The following CLIC5 variants were observed in gnomAD, a reference collection of about 807,000 sequenced individuals.
CLIC5 encodes CLIC family member 5, also known as chloride intracellular channel protein 5.
In CLIC5, 20 loss-of-function variants were observed where a neutral mutation model predicts 24.7. The observed-to-expected ratio is 0.81, with a 90% CI of 0.57 to 1.18. The LOEUF is 1.18. CLIC5 is among the 50% of genes most tolerant of loss of function. The probability of loss-of-function intolerance (pLI) is 0.00; values close to 1 mark genes in which losing one functional copy is unlikely to be tolerated. For synonymous variants in CLIC5, 159 were observed against 135.6 expected, an observed-to-expected ratio of 1.17 and a Z score of -1.20; for missense variants, 341 against 326.1, an observed-to-expected ratio of 1.05 and a Z score of -0.35.
At chr6:45,894,397 A>T (rs1160480658), downstream of CLIC5, among the ~76,000 whole-genome samples, 2 of 152,230 alleles carry the variant, frequency 1.3e-5, no homozygotes, top group Non-Finnish European at 2.9e-5. Flanking sequence ...TTGGTACTTC[A>T]TTATAGCATC....
the CLIC5 span, among the ~76,000 whole-genome samples, chr6:46,086,571 G>A: frequency 6.6e-5 from 10 of 152,286 alleles, no homozygotes; most frequent in African/African-American, 2.2e-4. Context: ...GACTGTGGAT[G>A]GCCTTGAATG....
intron 1 of CLIC5, among the ~76,000 whole-genome samples, chr6:45,957,067 G>A (rs1471544918): frequency 1.3e-5 from 2 of 152,052 alleles, no homozygotes; most frequent in Non-Finnish European, 2.9e-5. Context: ...TTTCCCCAGG[G>A]CCAGTTATGG....
chr6:45,882,594 C>T (rs1581701565), intron 6 of CLIC5, among the ~76,000 whole-genome samples: 1 of 152,202 alleles, frequency 6.6e-6, no homozygotes, highest in African/African-American at 2.4e-5. Context: ...GCTTTGAGTA[C>T]ATTTCTTTAC....
At chr6:46,117,993 G>A in the CLIC5 span, among the ~76,000 whole-genome samples, 1 of 152,118 alleles carries the variant, frequency 6.6e-6, no homozygotes, top group Non-Finnish European at 1.5e-5. Flanking sequence ...CATCACAAGT[G>A]GTCTATGCCC....
chr6:45,900,490 C>T lies in CLIC5; in HGVS notation c.*2598G>A, dbSNP rs1224279403. The T allele has an allele frequency of 7.0e-6, 1 of 143,162 alleles. No individual in the cohort carries two copies. The highest frequency in any genetic ancestry group is 1.5e-5 in the Non-Finnish European group (1 of 67,394). The allele number at this position is 143,162 out of a possible 1,614,324, so 8.9% of individuals were successfully genotyped here. On this transcript the variant is annotated 3_prime_UTR_variant, in exon 6 of 6. Coordinates refer to ENST00000339561, the MANE Select transcript of CLIC5 (RefSeq NM_016929.5). ...ATGTGCTGCACATATGATAAGAAGG[C>T]CAGACAGGCTGAAGCATCTGGAGAA...
intron 1 of CLIC5, among the ~76,000 whole-genome samples, chr6:45,992,283 A>C (rs1274481926): frequency 2.0e-5 from 3 of 152,228 alleles, no homozygotes; most frequent in Non-Finnish European, 2.9e-5. Context: ...TGTCTAGTGA[A>C]ATGAATTGTT....
chr6:45,925,734 A>G (rs945257960), intron 4 of CLIC5, among the ~76,000 whole-genome samples: 4 of 152,126 alleles, frequency 2.6e-5, no homozygotes, highest in Non-Finnish European at 5.9e-5. Context: ...AAATCATGTG[A>G]CTCTATTTAT....
intron 1 of CLIC5, among the ~76,000 whole-genome samples, chr6:46,005,001 C>T (rs905614576): frequency 1.3e-4 from 20 of 152,154 alleles, no homozygotes; most frequent in Non-Finnish European, 2.2e-4. Context: ...TGAGACGGCC[C>T]CTCGTCTTCA....
At chr6:46,090,395 A>G in the CLIC5 span, among the ~76,000 whole-genome samples, 1 of 135,886 alleles carries the variant, frequency 7.4e-6, no homozygotes, top group Non-Finnish European at 1.6e-5. Flanking sequence ...TAGATTCGTC[A>G]ACTTGATGGG....
intron 4 of CLIC5, among the ~76,000 whole-genome samples, chr6:45,927,438 A>T (rs1581748941): frequency 6.6e-6 from 1 of 152,170 alleles, no homozygotes; most frequent in African/African-American, 2.4e-5. Flanking sequence ...CAAAATAGGA[A>T]GGATTGTTGA....
At chr6:46,007,059 C>G (rs1186730304) in intron 1 of CLIC5, among the ~76,000 whole-genome samples, 1 of 152,194 alleles carries the variant, frequency 6.6e-6, no homozygotes, top group African/African-American at 2.4e-5. Flanking sequence ...TCACCTGTAG[C>G]TCTGAGCAGA....
At chr6:46,009,652 T>G (rs1318051697) in intron 1 of CLIC5, among the ~76,000 whole-genome samples, 1 of 152,156 alleles carries the variant, frequency 6.6e-6, no homozygotes, top group Non-Finnish European at 1.5e-5. Context: ...AGATAATACG[T>G]GTGCATGTGT....
the CLIC5 span, among the ~76,000 whole-genome samples, chr6:46,126,022 G>C: frequency 1.3e-5 from 2 of 152,094 alleles, no homozygotes; most frequent in East Asian, 1.9e-4. Context: ...TCAGGCTTAG[G>C]GTGACCAACT....
At position 46,071,958 on chromosome 6, in the gene CLIC5, A is replaced by T. The variant is rs370196802; in HGVS notation, c.540+7745T>A. Among the ~76,000 whole-genome samples, 46 of 152,274 alleles carry T rather than the reference A, an allele frequency of 3.0e-4. No homozygotes were observed. In the East Asian group the frequency reaches 7.9e-3, roughly 26 times the overall value. On this transcript the variant is annotated intron_variant, in intron 1 of 5. Coordinates refer to the CLIC5 transcript ENST00000185206. ...AGGAACATGGGTAGAGCTGGAGGCC[A>T]TTATCCTTAGCAAACTAATGCAGGA...
At chr6:46,032,050 A>G (rs1767519184) in intron 1 of CLIC5, among the ~76,000 whole-genome samples, 1 of 151,962 alleles carries the variant, frequency 6.6e-6, no homozygotes, top group African/African-American at 2.4e-5. Context: ...TTGGACTGCT[A>G]TCAAGAACTA....
intron 1 of CLIC5, among the ~76,000 whole-genome samples, chr6:45,993,448 G>C (rs751704433): frequency 2.6e-5 from 4 of 152,186 alleles, no homozygotes; most frequent in Non-Finnish European, 5.9e-5. Context: ...AGAGTTGTAG[G>C]AAATGTGGAA....
intron 1 of CLIC5, among the ~76,000 whole-genome samples, chr6:45,988,246 C>A (rs1481934031): frequency 6.6e-6 from 1 of 152,134 alleles, no homozygotes; most frequent in Non-Finnish European, 1.5e-5. Flanking sequence ...CCAAGCAAGT[C>A]CAAAACCTAG....
rs530013326 is a variant in CLIC5 at position 45,911,153 on chromosome 6, G to C, written c.588+3075C>G. Among the ~76,000 whole-genome samples, 17 of 152,242 alleles carry C rather than the reference G, an allele frequency of 1.1e-4. No individual in the cohort carries two copies. The South Asian group carries it at 2.1e-3, about 19-fold the overall frequency. The stretch of plus-strand genomic sequence containing the variant: ...TTAATAATTCCAACCTCTTCCCTTT[G>C]TTCCTCCTGCCCTAGGAGTAGTAGC... On this transcript the variant is annotated intron_variant, in intron 5 of 5. Coordinates refer to ENST00000339561, the MANE Select transcript of CLIC5 (RefSeq NM_016929.5).
At chr6:45,910,489 G>A (rs1216249200) in intron 5 of CLIC5, among the ~76,000 whole-genome samples, 1 of 152,120 alleles carries the variant, frequency 6.6e-6, no homozygotes, top group Non-Finnish European at 1.5e-5. Context: ...CTAGCAATGA[G>A]CAAACTGAAG....
Sources: gnomAD v4.1 joint callset for allele counts (sites outside exome capture counted in the v4.1 genomes callset) on GRCh38, gnomAD v4.1.1 for gene constraint, MANE v1.5 for transcripts, NCBI Gene and HGNC (gene_info 2026-07-23, HGNC 2026-07-21) for gene names.